IL1RAPL2: variants seen among roughly 807,000 people sequenced by gnomAD.
IL1RAPL2 encodes interleukin 1 receptor accessory protein like 2.
IL1RAPL2 carries 3 observed loss-of-function variants against 44.1 expected under a neutral mutation model. The observed-to-expected ratio is 0.07, with a 90% CI of 0.03 to 0.18. The LOEUF (loss-of-function observed/expected upper bound fraction) is 0.18. Among genes scored for constraint, IL1RAPL2 ranks in the 10% least tolerant of loss-of-function variants. The pLI is 1.00. For synonymous variants in IL1RAPL2, 181 were observed against 178.8 expected, an observed-to-expected ratio of 1.01 and a Z score of -0.10; for missense variants, 391 against 496.4, an observed-to-expected ratio of 0.79 and a Z score of 2.02.
intron 6 of IL1RAPL2, among the ~76,000 whole-genome samples, chrX:105,536,379 A>G (rs190243043): frequency 3.4e-3 from 366 of 107,246 alleles, no homozygotes; most frequent in African/African-American, 0.012. Flanking sequence ...ACATTTTTCT[A>G]TTATCTGTTT....
At chrX:104,882,423 A>G (rs912412995) in intron 2 of IL1RAPL2, among the ~76,000 whole-genome samples, 4 of 112,235 alleles carry the variant, frequency 3.6e-5, no homozygotes, top group Non-Finnish European at 7.5e-5. Flanking sequence ...CCCAAAGCCT[A>G]TGCCTTTTAA....
At chrX:105,658,355 G>A (rs747161724) in intron 6 of IL1RAPL2, among the ~76,000 whole-genome samples, 1 of 111,879 alleles carries the variant, frequency 8.9e-6, no homozygotes, top group African/African-American at 3.2e-5. Context: ...TGGGCTTTGG[G>A]TGCCCCCTAA....
intron 2 of IL1RAPL2, among the ~76,000 whole-genome samples, chrX:104,883,245 G>A (rs1392742440): frequency 9.0e-6 from 1 of 111,378 alleles, no homozygotes; most frequent in African/African-American, 3.3e-5. Flanking sequence ...GAATTCGGGA[G>A]CTAAATACTG....
At chrX:104,989,826 T>C (rs1010257886) in intron 2 of IL1RAPL2, among the ~76,000 whole-genome samples, 1 of 111,958 alleles carries the variant, frequency 8.9e-6, no homozygotes, top group African/African-American at 3.2e-5. Context: ...TCTCTTTTAT[T>C]GTCTTCATCT....
At chrX:105,141,633 A>C (rs2033126505) in intron 2 of IL1RAPL2, among the ~76,000 whole-genome samples, 1 of 112,038 alleles carries the variant, frequency 8.9e-6, no homozygotes, top group Non-Finnish European at 1.9e-5. Flanking sequence ...TTTTCCTCTA[A>C]AAGTGGTTGG....
chrX:104,653,854 T>C (rs1210616900), intron 1 of IL1RAPL2, among the ~76,000 whole-genome samples: 1 of 111,418 alleles, frequency 9.0e-6, no homozygotes, highest in African/African-American at 3.3e-5. Flanking sequence ...TTTCTTCCAT[T>C]CATTATTTCA....
chrX:104,978,770 G>A (rs2030383210), intron 2 of IL1RAPL2, among the ~76,000 whole-genome samples: 1 of 111,492 alleles, frequency 9.0e-6, no homozygotes, highest in African/African-American at 3.3e-5. Flanking sequence ...CTAAAACCTA[G>A]CAATATAATC....
intron 2 of IL1RAPL2, among the ~76,000 whole-genome samples, chrX:104,882,746 TAGAA>T (rs1569332877): frequency 1.8e-5 from 2 of 111,687 alleles, no homozygotes; most frequent in Non-Finnish European, 1.9e-5. Context: ...TTCCATGCTG[TAGAA>T]GCTTTGTTCT....
intron 3 of IL1RAPL2, among the ~76,000 whole-genome samples, chrX:105,196,700 C>T (rs1395599858): frequency 9.0e-6 from 1 of 111,225 alleles, no homozygotes; most frequent in Non-Finnish European, 1.9e-5. Flanking sequence ...CTTAGGGATT[C>T]TACAGTATGT....
chrX:104,731,980 C>T lies in IL1RAPL2; in HGVS notation c.82+72985C>T, dbSNP rs1037718094. Among the ~76,000 whole-genome samples the T allele has an allele frequency of 2.7e-5, 3 of 112,163 alleles. No individual in the cohort carries two copies. In the Admixed American group the frequency reaches 2.8e-4, roughly 11 times the overall value. ...CTATAAACACCTCTTTCTCTGACCA[C>T]ACTGCAAAGAAGGTATGCATCAGTT... On this transcript the variant is annotated intron_variant, in intron 2 of 10. Coordinates refer to ENST00000372582, the MANE Select transcript of IL1RAPL2 (RefSeq NM_017416.2).
chrX:105,448,988 A>G (rs746576024), intron 5 of IL1RAPL2, among the ~76,000 whole-genome samples: 1 of 111,520 alleles, frequency 9.0e-6, no homozygotes, highest in East Asian at 2.8e-4. Flanking sequence ...TCCTCTAAAC[A>G]GCTATTTTGA....
intron 2 of IL1RAPL2, among the ~76,000 whole-genome samples, chrX:104,792,471 C>G (rs1406764954): frequency 9.0e-6 from 1 of 110,936 alleles, no homozygotes; most frequent in Non-Finnish European, 1.9e-5. Context: ...GCCGCCCTGT[C>G]TAAGGAAGCC....
At chrX:104,653,445 G>A (rs1330131054) in intron 1 of IL1RAPL2, among the ~76,000 whole-genome samples, 1 of 111,449 alleles carries the variant, frequency 9.0e-6, no homozygotes, top group Non-Finnish European at 1.9e-5. Flanking sequence ...CCTAGCTCCA[G>A]TGGTGCAGGG....
chrX:105,031,629 T>C (rs2031498406), intron 2 of IL1RAPL2, among the ~76,000 whole-genome samples: 1 of 112,021 alleles, frequency 8.9e-6, no homozygotes, highest in African/African-American at 3.2e-5. Context: ...TTTGATGTGC[T>C]GCTGGATTCG....
At chrX:105,188,933 G>T in intron 2 of IL1RAPL2, among the ~76,000 whole-genome samples, 1 of 112,081 alleles carries the variant, frequency 8.9e-6, no homozygotes, top group Admixed American at 9.5e-5. Context: ...AGAGGCACAG[G>T]TGTAGCAACA....
chrX:105,429,505 A>C (rs988896452), intron 5 of IL1RAPL2, among the ~76,000 whole-genome samples: 4 of 112,139 alleles, frequency 3.6e-5, no homozygotes, highest in Non-Finnish European at 7.5e-5. Flanking sequence ...TAATACAAAA[A>C]ACAGTCTCAT....
intron 5 of IL1RAPL2, among the ~76,000 whole-genome samples, chrX:105,451,342 C>T (rs1393797880): frequency 1.8e-5 from 2 of 111,401 alleles, no homozygotes; most frequent in African/African-American, 3.3e-5. Flanking sequence ...CTTATCCCTC[C>T]TCCAAGAAAG....
intron 6 of IL1RAPL2, among the ~76,000 whole-genome samples, chrX:105,568,101 A>G (rs2036987700): frequency 9.0e-6 from 1 of 110,614 alleles, no homozygotes; most frequent in Non-Finnish European, 1.9e-5. Context: ...GTGTGTGTGT[A>G]AGACAGAGAT....
intron 2 of IL1RAPL2, among the ~76,000 whole-genome samples, chrX:104,937,254 T>C (rs192014902): frequency 8.9e-6 from 1 of 112,135 alleles, no homozygotes; most frequent in Admixed American, 9.5e-5. Flanking sequence ...ATCCTCAAAT[T>C]TCAGTGACTT....
Sources: gnomAD v4.1 joint callset for allele counts (sites outside exome capture counted in the v4.1 genomes callset) on GRCh38, gnomAD v4.1.1 for gene constraint, MANE v1.5 for transcripts, NCBI Gene and HGNC (gene_info 2026-07-23, HGNC 2026-07-21) for gene names.